The following USP33 variants were observed in gnomAD, a reference collection of about 807,000 sequenced individuals.
USP33 encodes ubiquitin specific peptidase 33.
A neutral mutation model predicts 124.2 loss-of-function variants in USP33; 46 were observed. The ratio of observed to expected loss-of-function variants is 0.37; its 90% CI spans 0.29 to 0.47. The LOEUF is 0.47. Ranked by LOEUF, USP33 falls within the 20% of genes least tolerant of loss-of-function variation. The pLI is 0.99. For missense variants in USP33, 851 were observed against 1,070.6 expected (o/e 0.79, Z 2.86); for synonymous variants, 350 against 352.3 (o/e 0.99, Z 0.07).
chr1:77,727,830 C>G, intron 10 of USP33, among the ~76,000 whole-genome samples: 1 of 152,200 alleles, frequency 6.6e-6, no homozygotes, highest in East Asian at 1.9e-4. Flanking sequence ...GGAACACTGA[C>G]TAGTATCATG....
chr1:77,723,649 G>T lies in USP33; in HGVS notation c.1277-206C>A, dbSNP rs538047347. Among the ~76,000 whole-genome samples, 15 of 152,144 alleles carry T rather than the reference G, an allele frequency of 9.9e-5. No homozygotes were observed. In the East Asian group the frequency reaches 2.5e-3, roughly 25 times the overall value. On this transcript the variant is annotated intron_variant, in intron 11 of 23. Transcript: ENST00000370794. ...AAGAAACTAAGCAGACAAGGCTTAAGATATTTGTTGTTTTTTTTTGTTTTT... is the reference window on the plus strand; with the variant it reads ...AAGAAACTAAGCAGACAAGGCTTAATATATTTGTTGTTTTTTTTTGTTTTT...
chr1:77,720,254 T>C lies in USP33; in HGVS notation c.1691+918A>G, dbSNP rs965660556. On this transcript the variant is annotated intron_variant, in intron 15 of 23. Transcript: ENST00000370794. ...ATGGTTATTATTATATAATCAAAAT[T>C]AATATACATTTGACAGATCTCTACT... 5 of 934,314 alleles carry C rather than the reference T, an allele frequency of 5.4e-6. No homozygotes were observed. In the Admixed American group the frequency reaches 3.2e-4, roughly 59 times the overall value. 57.9% of individuals were successfully genotyped at this position (934,314 alleles called of 1,614,324 possible). A position where few individuals can be genotyped will look rare whatever the true frequency, so the allele number is the denominator to read the frequency against.
In USP33 at chr1:77,736,167, CA is replaced by C; in HGVS notation, c.352-10del. 8 of 1,577,132 alleles carry C rather than the reference CA, an allele frequency of 5.1e-6. No homozygotes were observed. Among genetic ancestry groups the C allele is most frequent in the East Asian group, 4.5e-5 (2 of 44,474 alleles). On this transcript the variant is annotated splice_polypyrimidine_tract_variant and intron_variant, in intron 5 of 23. Transcript: ENST00000370794. ...CTGGGTATTTTAAAATCCTTGATAA[CA>C]AAAAAAGATAGCACACTTGAACAAA... is the stretch of plus-strand genomic sequence containing the variant.
At chr1:77,715,630 G>A (rs533522585) in intron 18 of USP33, 112 bp downstream of exon 18, 3 of 1,242,594 alleles carry the variant, frequency 2.4e-6, no homozygotes, top group African/African-American at 1.5e-5. Context: ...AATGAAATAG[G>A]AGGAAAACAA....
intron 1 of USP33, among the ~76,000 whole-genome samples, chr1:77,747,926 T>C (rs1352001663): frequency 6.6e-6 from 1 of 152,228 alleles, no homozygotes; most frequent in African/African-American, 2.4e-5. Flanking sequence ...GCACATATAC[T>C]GGATTTCTGG....
At chr1:77,726,028 C>A (rs1383996641) in intron 10 of USP33, among the ~76,000 whole-genome samples, 1 of 152,190 alleles carries the variant, frequency 6.6e-6, no homozygotes, top group Non-Finnish European at 1.5e-5. Context: ...CAGCTCACTG[C>A]AACCTCCGCA....
At chr1:77,755,053 A>C (rs1265556754) in intron 1 of USP33, among the ~76,000 whole-genome samples, 1 of 152,240 alleles carries the variant, frequency 6.6e-6, no homozygotes. Context: ...TGAATTAATG[A>C]ATATGACAGA....
intron 8 of USP33, among the ~76,000 whole-genome samples, chr1:77,730,159 T>C (rs757334831): frequency 6.6e-6 from 1 of 152,186 alleles, no homozygotes; most frequent in Non-Finnish European, 1.5e-5. Context: ...TAAATGATTA[T>C]GCTTCACCCC....
intron 21 of USP33, among the ~76,000 whole-genome samples, chr1:77,706,466 C>A (rs575092132): frequency 9.9e-5 from 15 of 152,136 alleles, no homozygotes; most frequent in African/African-American, 1.9e-4. Flanking sequence ...TTTGTAAACA[C>A]CTATAACTTA....
intron 5 of USP33, among the ~76,000 whole-genome samples, chr1:77,736,680 G>A (rs1678493778): frequency 1.3e-5 from 2 of 152,002 alleles, no homozygotes; most frequent in East Asian, 1.9e-4. Context: ...CACGATCTCA[G>A]CTCACTGCAA....
rs1288003975 is a variant in USP33 at position 77,729,864 on chromosome 1, T to A, written c.713A>T (p.Gln238Leu). 3 of 1,613,672 alleles carry A rather than the reference T, an allele frequency of 1.9e-6. No individual in the cohort carries two copies. The highest frequency in any genetic ancestry group is 4.5e-5 in the East Asian group (2 of 44,806). ...AATGAAAAGCAATAAACTAACCTGC[T>A]GAGAATACCCCCGAAATGTTGGATT... The part of the protein sequence containing the change: ...TVNPTFRGYS[Q>L]QDAQEFLRCL... The change falls in exon 9 of 24, where the codon CAG (glutamine) becomes CTG (leucine). Residue 238 changes from glutamine to leucine, a missense_variant. This residue lies in a region of USP33 where 221 missense variants were observed against 302.9 expected (regional missense o/e 0.73). Transcript: ENST00000370794.
chr1:77,702,699 C>T (rs1674180076), intron 21 of USP33, among the ~76,000 whole-genome samples: 1 of 152,028 alleles, frequency 6.6e-6, no homozygotes, highest in South Asian at 2.1e-4. Context: ...ATACTCAGGG[C>T]TACCTTAGTT....
intron 15 of USP33, 81 bp from the exon 16 acceptor site, chr1:77,718,722 A>C: frequency 1.8e-6 from 2 of 1,122,646 alleles, no homozygotes; most frequent in Non-Finnish European, 2.6e-6. Flanking sequence ...CTTTTAGAAA[A>C]TGCAGAGATC....
intron 18 of USP33, 100 bp downstream of exon 18, chr1:77,715,642 T>G: frequency 7.3e-7 from 1 of 1,361,822 alleles, no homozygotes; most frequent in South Asian, 1.5e-5. Flanking sequence ...GGAAAACAAT[T>G]CCTAATCTTG....
chr1:77,749,300 A>G (rs1680058279), intron 1 of USP33, among the ~76,000 whole-genome samples: 1 of 151,332 alleles, frequency 6.6e-6, no homozygotes, highest in Non-Finnish European at 1.5e-5. Flanking sequence ...CTTCTCCACT[A>G]TTTTTGTTCT....
At position 77,723,331 on chromosome 1, in the gene USP33, C is replaced by A; in HGVS notation, c.1389G>T (p.Arg463Ser). The A allele has an allele frequency of 1.3e-6, 2 of 1,596,680 alleles. No individual in the cohort carries two copies. Among genetic ancestry groups the A allele is most frequent in the Non-Finnish European group, 1.7e-6 (2 of 1,166,034 alleles). Residue 463 changes from arginine (R) to serine (S), a missense_variant and splice_region_variant, in exon 12 of 24, where the codon AGG becomes AGT. Physicochemically the swap from Arg to Ser is moderately radical, Grantham distance 110. Coordinates refer to ENST00000370794, the MANE Select transcript of USP33 (RefSeq NM_201624.3). ...ISSVQCLTCD[R>S]VSVTLETFQD... is the part of the protein sequence containing the mutation. ...TGTATTCTAATACCCTCATACTCAC[C>A]CTGTCACAAGTCAGACACTGCACTG...
At chr1:77,710,641 G>A (rs573719906) in intron 21 of USP33, among the ~76,000 whole-genome samples, 15 of 152,294 alleles carry the variant, frequency 9.8e-5, no homozygotes, top group Non-Finnish European at 1.6e-4. Flanking sequence ...ATGAGGAAAA[G>A]CAGGTGTGTG....
intron 7 of USP33, among the ~76,000 whole-genome samples, chr1:77,734,082 T>C (rs1678148409): frequency 6.6e-6 from 1 of 152,154 alleles, no homozygotes; most frequent in African/African-American, 2.4e-5. Context: ...TCTGAATAAT[T>C]AGCTGACACT....
At position 77,753,599 on chromosome 1, in the gene USP33, A is replaced by C. The variant is rs561460713; in HGVS notation, c.-52+6044T>G. Reference sequence around the variant, plus strand: ...AAGAGTGCCTCTCATAGAAAACCTTAAAAGAAATAATTTGAAAACTGTATC... The same window carrying C: ...AAGAGTGCCTCTCATAGAAAACCTTCAAAGAAATAATTTGAAAACTGTATC... On this transcript the variant is annotated intron_variant, in intron 1 of 23. Transcript: ENST00000370794. 3.7e-4 allele frequency among the ~76,000 whole-genome samples: 56 copies of C among 152,130 alleles called. No homozygotes were observed. The East Asian group carries it at 0.01, about 27-fold the overall frequency.
Sources: gnomAD v4.1 joint callset for allele counts (sites outside exome capture counted in the v4.1 genomes callset) on GRCh38, gnomAD v4.1.1 for gene constraint, gnomAD v4.1.1 regional missense constraint, MANE v1.5 for transcripts, NCBI Gene and HGNC (gene_info 2026-07-23, HGNC 2026-07-21) for gene names.